Variants in DAB1 observed in about 807,000 individuals in gnomAD.
DAB1 encodes disabled homolog 1.
A neutral mutation model predicts 64.6 loss-of-function variants in DAB1; 15 were observed. The ratio of observed to expected loss-of-function variants is 0.23; its 90% CI spans 0.16 to 0.36. The LOEUF is 0.36. DAB1 is among the 10% of genes least tolerant of loss of function. The pLI is 1.00. For missense variants in DAB1, 596 were observed against 706.7 expected (o/e 0.84, Z 1.78); for synonymous variants, 235 against 251.9 (o/e 0.93, Z 0.64).
intron 2 of DAB1, among the ~76,000 whole-genome samples, chr1:57,197,138 C>T (rs185039142): frequency 5.8e-4 from 88 of 152,210 alleles, no homozygotes; most frequent in Admixed American, 1.6e-3. Context: ...GAGTTCAAGA[C>T]CAGCCTGGCC....
rs138749750 is a variant in DAB1, at chr1:58,305,769, C to T, written n.309+37583G>A. On this transcript the variant is annotated intron_variant and non_coding_transcript_variant, in intron 4 of 20. Transcript: ENST00000485760. ...GAATATGTAATTCTAGATTACAAAA[C>T]TAAACAGATTTTGCTAAAGGAAACA... Among the ~76,000 whole-genome samples, 4 of 152,310 alleles carry T rather than the reference C, an allele frequency of 2.6e-5. No individual in the cohort carries two copies. In the East Asian group the frequency reaches 5.8e-4, roughly 22 times the overall value.
chr1:57,791,480 T>C (rs1650596931), intron 6 of DAB1, among the ~76,000 whole-genome samples: 1 of 152,202 alleles, frequency 6.6e-6, no homozygotes. Flanking sequence ...GAAAAGTGCA[T>C]ATTTATAATC....
chr1:58,435,800 G>T (rs1644937552), intron 3 of DAB1, among the ~76,000 whole-genome samples: 1 of 152,234 alleles, frequency 6.6e-6, no homozygotes, highest in African/African-American at 2.4e-5. Flanking sequence ...GCTTAACTCA[G>T]TTAAACTGTT....
chr1:57,887,483 G>A (rs775184445), upstream of DAB1, among the ~76,000 whole-genome samples: 2 of 152,142 alleles, frequency 1.3e-5, no homozygotes, highest in Admixed American at 6.5e-5. Context: ...GCCAGTCAAC[G>A]CATAGAAGAG....
chr1:58,157,474 C>G (rs1655285987), intron 4 of DAB1, among the ~76,000 whole-genome samples: 1 of 152,204 alleles, frequency 6.6e-6, no homozygotes, highest in Non-Finnish European at 1.5e-5. Context: ...TTGTGAAGAT[C>G]TGTGGCTTCC....
At chr1:57,945,330 G>A (rs1645168170) in intron 5 of DAB1, among the ~76,000 whole-genome samples, 1 of 152,076 alleles carries the variant, frequency 6.6e-6, no homozygotes, top group Non-Finnish European at 1.5e-5. Flanking sequence ...TTTGTTCATA[G>A]CTCACTGCAG....
chr1:57,798,581 T>C (rs1650979426), intron 6 of DAB1, among the ~76,000 whole-genome samples: 1 of 152,220 alleles, frequency 6.6e-6, no homozygotes, highest in African/African-American at 2.4e-5. Context: ...AATATTACAT[T>C]CATGTGGTCT....
chr1:57,374,901 G>GA (rs1289732765), intron 1 of DAB1, among the ~76,000 whole-genome samples: 1 of 152,218 alleles, frequency 6.6e-6, no homozygotes, highest in Non-Finnish European at 1.5e-5. Context: ...CAGGAAGGCT[G>GA]AAAGTCCCTA....
chr1:57,486,780 G>T (rs1359498925), intron 7 of DAB1, among the ~76,000 whole-genome samples: 1 of 152,002 alleles, frequency 6.6e-6, no homozygotes, highest in African/African-American at 2.4e-5. Flanking sequence ...TCATAGGTTT[G>T]GGAAGGGAAG....
At chr1:58,328,883 C>T (rs545795671) in intron 4 of DAB1, among the ~76,000 whole-genome samples, 18 of 152,186 alleles carry the variant, frequency 1.2e-4, no homozygotes, top group Non-Finnish European at 2.6e-4. Flanking sequence ...TTCTTTTTAA[C>T]CAGGCCAACT....
At chr1:57,436,510 C>G (rs140539525) in intron 7 of DAB1, among the ~76,000 whole-genome samples, 1 of 152,340 alleles carries the variant, frequency 6.6e-6, no homozygotes, top group African/African-American at 2.4e-5. Context: ...TATGATCGCT[C>G]ACCCCAGACA....
intron 4 of DAB1, among the ~76,000 whole-genome samples, chr1:58,304,787 C>T (rs1322076067): frequency 6.6e-6 from 1 of 152,022 alleles, no homozygotes. Context: ...TCACTGTTCC[C>T]TGGGGGATTC....
intron 9 of DAB1, among the ~76,000 whole-genome samples, chr1:57,055,063 G>A (rs539572632): frequency 1.3e-5 from 2 of 152,194 alleles, no homozygotes; most frequent in East Asian, 1.9e-4. Flanking sequence ...TGAAACCTCC[G>A]TGTCTCTCCA....
chr1:57,951,333 CT>C lies in DAB1; in HGVS notation n.388-67172del, dbSNP rs1483753420. Among the ~76,000 whole-genome samples the C allele has an allele frequency of 2.5e-4, 10 of 40,082 alleles. 1 individual carries two copies. The highest frequency in any genetic ancestry group is 9.2e-4 in the Admixed American group (3 of 3,274). 26.3% of individuals were successfully genotyped at this position (40,082 alleles called of 152,430 possible). A position where few individuals can be genotyped will look rare whatever the true frequency, so the allele number is the denominator to read the frequency against. On this transcript the variant is annotated intron_variant and non_coding_transcript_variant, in intron 5 of 20. Coordinates refer to the DAB1 transcript ENST00000485760. ...AGCCTGATTCATATATATATATATA[CT>C]TCCCTGGAAACTTAAATTAGCCCAA...
In DAB1 at chr1:58,457,536, G is replaced by A. The variant is rs574674481; in HGVS notation, n.257+48524C>T. 3.9e-5 allele frequency among the ~76,000 whole-genome samples: 6 copies of A among 152,264 alleles called. No homozygotes were observed. The East Asian group carries it at 9.6e-4, about 24-fold the overall frequency. On this transcript the variant is annotated intron_variant and non_coding_transcript_variant, in intron 3 of 20. Coordinates refer to the DAB1 transcript ENST00000485760. The stretch of plus-strand genomic sequence containing the variant: ...TTAGGGAAAAAAATCCCTTAACCCC[G>A]AGGCAGAGCAATAACAACATGGAAG...
At chr1:58,482,538 A>G (rs923922074) in intron 3 of DAB1, among the ~76,000 whole-genome samples, 5 of 152,188 alleles carry the variant, frequency 3.3e-5, no homozygotes, top group African/African-American at 1.2e-4. Flanking sequence ...AAGCTAATTC[A>G]GTTTTTTACG....
At chr1:58,101,369 A>G (rs1257852686) in intron 5 of DAB1, among the ~76,000 whole-genome samples, 6 of 152,186 alleles carry the variant, frequency 3.9e-5, no homozygotes. Flanking sequence ...AAAGCCTGTC[A>G]CTGGGGTCAG....
At chr1:57,438,885 T>A (rs936251458) in intron 7 of DAB1, among the ~76,000 whole-genome samples, 2 of 152,208 alleles carry the variant, frequency 1.3e-5, no homozygotes, top group South Asian at 4.1e-4. Context: ...TTAGCATTCA[T>A]CCTACTCATC....
At chr1:57,552,710 G>A (rs1233318754) in intron 7 of DAB1, among the ~76,000 whole-genome samples, 1 of 152,148 alleles carries the variant, frequency 6.6e-6, no homozygotes, top group Non-Finnish European at 1.5e-5. Context: ...GTTGAGGCTG[G>A]ACAGTTAGCT....
Sources: gnomAD v4.1 joint callset for allele counts (sites outside exome capture counted in the v4.1 genomes callset) on GRCh38, gnomAD v4.1.1 for gene constraint, MANE v1.5 for transcripts, NCBI Gene and HGNC (gene_info 2026-07-23, HGNC 2026-07-21) for gene names.